Variants in IL17RD observed in about 807,000 individuals in gnomAD.
IL17RD encodes interleukin 17 receptor D.
IL17RD carries 52 observed loss-of-function variants against 80.5 expected under a neutral mutation model. The observed-to-expected ratio is 0.65, with a 90% CI of 0.52 to 0.81. The LOEUF (loss-of-function observed/expected upper bound fraction) is 0.81. Among genes scored for constraint, IL17RD ranks in the 40% least tolerant of loss-of-function variants. IL17RD has a pLI of 0.00. For missense variants in IL17RD, 1,024 were observed against 955.1 expected, an observed-to-expected ratio of 1.07 and a Z score of -0.95; for synonymous variants, 416 against 391.8, an observed-to-expected ratio of 1.06 and a Z score of -0.73.
intron 1 of IL17RD, among the ~76,000 whole-genome samples, chr3:57,158,604 A>T: frequency 6.6e-6 from 1 of 152,088 alleles, no homozygotes; most frequent in East Asian, 1.9e-4. Flanking sequence ...ACCTTCCCCC[A>T]ACATTTCCAA....
At chr3:57,107,352 C>A (rs1321759897) in intron 5 of IL17RD, among the ~76,000 whole-genome samples, 1 of 149,862 alleles carries the variant, frequency 6.7e-6, no homozygotes, top group Non-Finnish European at 1.5e-5. Context: ...GCACTCCAGC[C>A]TGGGCGACAG....
At chr3:57,142,426 T>C (rs1029271139) in intron 1 of IL17RD, 60 of 855,110 alleles carry the variant, frequency 7.0e-5, no homozygotes, top group Middle Eastern at 2.6e-4. Context: ...GAAACACTTA[T>C]TGGTTTTTCT....
At chr3:57,106,213 C>G in intron 5 of IL17RD, 59 bp from the exon 6 acceptor site, 1 of 1,215,320 alleles carries the variant, frequency 8.2e-7, no homozygotes, top group East Asian at 2.4e-5. Context: ...ATTTTCCTCT[C>G]CCAACAACCC....
upstream of IL17RD, among the ~76,000 whole-genome samples, chr3:57,169,022 T>A (rs978793848): frequency 3.9e-5 from 6 of 152,224 alleles, no homozygotes; most frequent in Non-Finnish European, 5.9e-5. Context: ...CCAGTCTCCA[T>A]CTCCTCTTTT....
intron 1 of IL17RD, among the ~76,000 whole-genome samples, chr3:57,163,675 A>C (rs1382822425): frequency 6.6e-6 from 1 of 151,986 alleles, no homozygotes; most frequent in Non-Finnish European, 1.5e-5. Flanking sequence ...CTAGCTACTA[A>C]AATTTTTTTA....
At chr3:57,154,279 T>TACACACAC (rs779041353) in intron 1 of IL17RD, among the ~76,000 whole-genome samples, 33 of 126,332 alleles carry the variant, frequency 2.6e-4, no homozygotes, top group African/African-American at 1.0e-3. Flanking sequence ...TATATATATA[T>TACACACAC]ATATACACAC....
intron 1 of IL17RD, among the ~76,000 whole-genome samples, chr3:57,123,210 G>T (rs1456663723): frequency 6.6e-6 from 1 of 152,134 alleles, no homozygotes; most frequent in African/African-American, 2.4e-5. Flanking sequence ...TTCCACCTTG[G>T]CCTAAGACTC....
rs140160674 is a variant in IL17RD at position 57,098,163 on chromosome 3, G to A, written c.1540C>T (p.Arg514Ter). The change falls in exon 12 of 13, where the codon CGA becomes TGA. Residue 514 changes from arginine (R) to a stop codon, truncating the protein, a stop_gained. Coordinates refer to ENST00000296318, the MANE Select transcript of IL17RD (RefSeq NM_017563.5). LOFTEE classifies it high-confidence loss of function. ...LPQLCSHLHS[R>*]DHGLQEPGQH... ...CCCGGCTCCTGGAGGCCGTGGTCTC[G>A]GGAGTGCAAGTGGGAACAGAGCTGA... The A allele has an allele frequency of 3.1e-6, 5 of 1,613,838 alleles. No homozygotes were observed. Among genetic ancestry groups the A allele is most frequent in the South Asian group, 1.1e-5 (1 of 91,076 alleles).
intron 1 of IL17RD, among the ~76,000 whole-genome samples, chr3:57,163,785 C>CGGGGGGGGGGGGGGGGGGGGGGGGGGGGG (rs57632395): frequency 6.3e-5 from 1 of 15,970 alleles, no homozygotes. Context: ...CCTAATGGGG[C>CGGGGGGGGGGGGGGGGGGGGGGGGGGGGG]GGGGGGGCGG....
intron 1 of IL17RD, chr3:57,134,425 G>C: frequency 1.3e-6 from 1 of 747,196 alleles, no homozygotes; most frequent in South Asian, 1.4e-5. Flanking sequence ...ACTTGGATGA[G>C]GAGAATGCGG....
At chr3:57,104,193 CTT>C in intron 8 of IL17RD, 147 bp downstream of exon 8, 1 of 593,542 alleles carries the variant, frequency 1.7e-6, no homozygotes, top group South Asian at 2.2e-5. Flanking sequence ...TATATATAAA[CTT>C]TTTTTAAAAG....
At chr3:57,133,290 C>T (rs941407278) in intron 1 of IL17RD, among the ~76,000 whole-genome samples, 1 of 152,182 alleles carries the variant, frequency 6.6e-6, no homozygotes, top group African/African-American at 2.4e-5. Flanking sequence ...AACTTTACAT[C>T]GTCCTACTAT....
chr3:57,127,004 T>C (rs2107507098), intron 1 of IL17RD, among the ~76,000 whole-genome samples: 1 of 151,092 alleles, frequency 6.6e-6, no homozygotes, highest in Non-Finnish European at 1.5e-5. Flanking sequence ...TTTGTATTTG[T>C]AGTAGAGACA....
chr3:57,106,229 AAT>A, intron 5 of IL17RD, 75 bp from the exon 6 acceptor site: 1 of 1,072,482 alleles, frequency 9.3e-7, no homozygotes, highest in Non-Finnish European at 1.4e-6. Context: ...AACCCAATGA[AAT>A]ATAAAGATAC....
At chr3:57,121,071 T>TGAGAA (rs1707328131) in intron 1 of IL17RD, among the ~76,000 whole-genome samples, 1 of 152,204 alleles carries the variant, frequency 6.6e-6, no homozygotes, top group Admixed American at 6.5e-5. Context: ...AAAGAGCAGC[T>TGAGAA]ACAGATCTAC....
intron 1 of IL17RD, chr3:57,134,598 C>G: frequency 3.8e-6 from 4 of 1,059,534 alleles, no homozygotes; most frequent in Non-Finnish European, 5.9e-6. Flanking sequence ...CAAGAAGCTG[C>G]AGGCTGACCA....
chr3:57,167,150 G>T (rs2060351815), upstream of IL17RD, among the ~76,000 whole-genome samples: 1 of 152,184 alleles, frequency 6.6e-6, no homozygotes, highest in Non-Finnish European at 1.5e-5. Context: ...ATGGGTGCTG[G>T]GTTCCCCAAA....
At chr3:57,121,068 A>G (rs1459882823) in intron 1 of IL17RD, among the ~76,000 whole-genome samples, 3 of 152,340 alleles carry the variant, frequency 2.0e-5, no homozygotes, top group Non-Finnish European at 4.4e-5. Context: ...GAGAAAGAGC[A>G]GCTACAGATC....
At chr3:57,161,321 A>G (rs1056407428) in intron 1 of IL17RD, among the ~76,000 whole-genome samples, 13 of 152,220 alleles carry the variant, frequency 8.5e-5, no homozygotes, top group Non-Finnish European at 1.5e-4. Flanking sequence ...TTCAGAATCA[A>G]ATAAACATGT....
Sources: allele counts gnomAD v4.1 joint callset (sites outside exome capture counted in the v4.1 genomes callset), GRCh38; gene constraint gnomAD v4.1.1; transcripts MANE v1.5; gene names NCBI Gene and HGNC (gene_info 2026-07-23, HGNC 2026-07-21).